CLMP: variants seen among roughly 807,000 people sequenced by gnomAD.
CLMP encodes the protein CXADR like cell adhesion molecule.
CLMP carries 27 observed loss-of-function variants against 45.2 expected under a neutral mutation model. The observed-to-expected ratio is 0.60, with a 90% CI of 0.44 to 0.82. The LOEUF is 0.82. Among genes scored for constraint, CLMP ranks in the 40% least tolerant of loss-of-function variants. The probability of loss-of-function intolerance (pLI) is 0.00; values close to 1 mark genes in which losing one functional copy is unlikely to be tolerated. For synonymous variants in CLMP, 167 were observed against 171.4 expected (o/e 0.97, Z 0.20); for missense variants, 403 against 448.4 (o/e 0.90, Z 0.91).
At chr11:123,119,256 T>A (rs1860778664) in intron 1 of CLMP, among the ~76,000 whole-genome samples, 1 of 151,760 alleles carries the variant, frequency 6.6e-6, no homozygotes, top group Non-Finnish European at 1.5e-5. Context: ...GCTAATTTTG[T>A]ATTTTTAGTA....
intron 1 of CLMP, among the ~76,000 whole-genome samples, chr11:123,103,810 G>C (rs1433287867): frequency 6.7e-6 from 1 of 149,336 alleles, no homozygotes; most frequent in Non-Finnish European, 1.5e-5. Context: ...CACCTAAGCA[G>C]AGAGGGGCCT....
chr11:123,131,097 G>A (rs892381312), intron 1 of CLMP, among the ~76,000 whole-genome samples: 1 of 151,916 alleles, frequency 6.6e-6, no homozygotes, highest in African/African-American at 2.4e-5. Context: ...CCCCCCTTGG[G>A]CTCTTAAAGT....
intron 1 of CLMP, among the ~76,000 whole-genome samples, chr11:123,152,830 A>G (rs1415133473): frequency 2.6e-5 from 4 of 152,118 alleles, no homozygotes; most frequent in Admixed American, 1.3e-4. Flanking sequence ...TTGTGTCCAC[A>G]TTGCCCCCTG....
chr11:123,091,511 AG>A (rs562711948), intron 2 of CLMP, among the ~76,000 whole-genome samples: 1 of 152,170 alleles, frequency 6.6e-6, no homozygotes, highest in Non-Finnish European at 1.5e-5. Context: ...TGACTGTCTC[AG>A]ATTTCGACAA....
Position 123,073,760 on chromosome 11 carries a change from G to A in CLMP, c.836C>T (p.Ala279Val), listed in dbSNP as rs1238556659. ...RPNEIREDAE[A>V]PKARLVKPSS... is the part of the protein sequence containing the mutation. ...GGGTTTCACAAGACGGGCTTTTGGAGCTTCAGCATCTTCTCTGAAGAGAAA... is the reference window on the plus strand; with the variant it reads ...GGGTTTCACAAGACGGGCTTTTGGAACTTCAGCATCTTCTCTGAAGAGAAA... Residue 279 changes from alanine to valine, a missense_variant, in exon 7 of 7, where the codon GCT becomes GTT. Transcript: ENST00000448775. The A allele has an allele frequency of 5.0e-6, 8 of 1,594,894 alleles. No individual in the cohort carries two copies. The highest frequency in any genetic ancestry group is 6.8e-6 in the Non-Finnish European group (8 of 1,171,164).
chr11:123,103,610 T>C (rs1046725831), intron 1 of CLMP, among the ~76,000 whole-genome samples: 1 of 152,192 alleles, frequency 6.6e-6, no homozygotes, highest in Non-Finnish European at 1.5e-5. Flanking sequence ...CATACACTTC[T>C]AGTCTTCCTT....
At chr11:123,123,792 GA>G (rs1860853016) in intron 1 of CLMP, among the ~76,000 whole-genome samples, 1 of 152,164 alleles carries the variant, frequency 6.6e-6, no homozygotes, top group African/African-American at 2.4e-5. Context: ...TAAGGCATGT[GA>G]AAAAATTAGC....
rs1446964862 is a variant in CLMP at position 123,072,851 on chromosome 11, C to G, written c.*623G>C. 1 of 152,336 alleles carries G rather than the reference C, an allele frequency of 6.6e-6. No individual in the cohort carries two copies. The highest frequency in any genetic ancestry group is 1.9e-4 in the East Asian group (1 of 5,176). The allele number at this position is 152,336 out of a possible 1,614,324, so 9.4% of individuals were successfully genotyped here. ...TGAGATTAGTATAGAGTGGGAGAAA[C>G]TCATTCACTCTTCTCCATCTCCCAC... On this transcript the variant is annotated 3_prime_UTR_variant, in exon 7 of 7. Transcript: ENST00000448775.
intron 2 of CLMP, among the ~76,000 whole-genome samples, chr11:123,091,719 CTG>C (rs1865934274): frequency 6.6e-6 from 1 of 152,186 alleles, no homozygotes; most frequent in Non-Finnish European, 1.5e-5. Context: ...GTCTGTGTAA[CTG>C]GAGTGCTGTG....
intron 1 of CLMP, among the ~76,000 whole-genome samples, chr11:123,103,463 T>G (rs1591458551): frequency 6.6e-6 from 1 of 152,200 alleles, no homozygotes. Flanking sequence ...ACTGGAACAT[T>G]GTGGCGGGTG....
intron 1 of CLMP, among the ~76,000 whole-genome samples, chr11:123,119,335 G>A (rs1424400145): frequency 2.0e-5 from 3 of 151,786 alleles, no homozygotes; most frequent in Non-Finnish European, 2.9e-5. Context: ...CGCCTGCCTC[G>A]GCCTCCCAAA....
intron 1 of CLMP, among the ~76,000 whole-genome samples, chr11:123,101,981 T>C (rs1367283378): frequency 6.6e-6 from 1 of 152,138 alleles, no homozygotes; most frequent in Non-Finnish European, 1.5e-5. Flanking sequence ...TCCAGGAGTT[T>C]TGAGACCAGC....
At chr11:123,131,926 A>G (rs1177630855) in intron 1 of CLMP, among the ~76,000 whole-genome samples, 1 of 151,956 alleles carries the variant, frequency 6.6e-6, no homozygotes, top group Non-Finnish European at 1.5e-5. Context: ...AAGATCCTTA[A>G]TTTTTCTAAA....
chr11:123,132,942 A>G (rs895629381), intron 1 of CLMP, among the ~76,000 whole-genome samples: 1 of 149,218 alleles, frequency 6.7e-6, no homozygotes, highest in Non-Finnish European at 1.5e-5. Flanking sequence ...TAATTTTTGT[A>G]TTTTTTGGTA....
chr11:123,076,247 G>T (rs937656877), intron 5 of CLMP, among the ~76,000 whole-genome samples: 1 of 152,140 alleles, frequency 6.6e-6, no homozygotes, highest in African/African-American at 2.4e-5. Flanking sequence ...TTTGACATTG[G>T]ATCCTAGAAT....
At chr11:123,120,073 G>A (rs1860792519) in intron 1 of CLMP, among the ~76,000 whole-genome samples, 1 of 152,064 alleles carries the variant, frequency 6.6e-6, no homozygotes, top group Non-Finnish European at 1.5e-5. Flanking sequence ...TTATTTTGAT[G>A]TGCCTTTTAA....
chr11:123,078,453 G>A (rs1042409547), intron 5 of CLMP, among the ~76,000 whole-genome samples: 19 of 151,904 alleles, frequency 1.3e-4, no homozygotes, highest in Non-Finnish European at 2.5e-4. Context: ...TCAGAAACAG[G>A]TTCTTTTTTT....
chr11:123,154,957 AAGTT>A (rs1209196936), intron 1 of CLMP, among the ~76,000 whole-genome samples: 1 of 152,176 alleles, frequency 6.6e-6, no homozygotes, highest in African/African-American at 2.4e-5. Flanking sequence ...GGTGGTTAAA[AAGTT>A]AGTTAGGTGG....
At chr11:123,132,271 C>T (rs1034249217) in intron 1 of CLMP, among the ~76,000 whole-genome samples, 1 of 152,068 alleles carries the variant, frequency 6.6e-6, no homozygotes, top group South Asian at 2.1e-4. Flanking sequence ...GGGCAGCTGC[C>T]CTATTAAGGA....
Sources: gnomAD v4.1 joint callset for allele counts (sites outside exome capture counted in the v4.1 genomes callset) on GRCh38, gnomAD v4.1.1 for gene constraint, MANE v1.5 for transcripts, NCBI Gene and HGNC (gene_info 2026-07-23, HGNC 2026-07-21) for gene names.